SORBS2: variants seen among roughly 807,000 people sequenced by gnomAD.
SORBS2 encodes sorbin and SH3 domain-containing protein 2.
In SORBS2, 46 loss-of-function variants were observed where a neutral mutation model predicts 97.7. That is an observed-to-expected ratio of 0.47 (90% CI 0.37 to 0.60). The LOEUF (loss-of-function observed/expected upper bound fraction) is 0.60, where lower values mean the gene tolerates loss of function less well. SORBS2 is among the 20% of genes least tolerant of loss of function. The probability of loss-of-function intolerance (pLI) is 0.00; values close to 1 mark genes in which losing one functional copy is unlikely to be tolerated. For synonymous variants in SORBS2, 476 were observed against 473.4 expected (o/e 1.01, Z -0.07); for missense variants, 1,316 against 1,282.3 (o/e 1.03, Z -0.40).
chr4:185,592,221 A>G (rs2095962008), intron 13 of SORBS2: 1 of 152,674 alleles, frequency 6.5e-6, no homozygotes, highest in South Asian at 2.1e-4. Flanking sequence ...GTAGTGACAT[A>G]ACATTATGTT....
intron 12 of SORBS2, among the ~76,000 whole-genome samples, chr4:185,594,213 T>C (rs753566926): frequency 2.3e-4 from 35 of 152,194 alleles, no homozygotes; most frequent in Non-Finnish European, 3.2e-4. Context: ...TTTGGTCCCA[T>C]TGATTTTTCA....
intron 2 of SORBS2, among the ~76,000 whole-genome samples, chr4:185,722,041 A>C (rs565143214): frequency 6.6e-6 from 1 of 152,356 alleles, no homozygotes; most frequent in East Asian, 1.9e-4. Context: ...TCACTATATA[A>C]ACACCATTAA....
intron 1 of SORBS2, among the ~76,000 whole-genome samples, chr4:185,887,958 A>ATGTGTG (rs745472775): frequency 1.8e-4 from 27 of 149,148 alleles, no homozygotes; most frequent in African/African-American, 5.7e-4. Context: ...TAGTATATAT[A>ATGTGTG]TATGTGTGTG....
intron 2 of SORBS2, among the ~76,000 whole-genome samples, chr4:185,725,819 A>G (rs1030497684): frequency 5.3e-5 from 8 of 152,204 alleles, no homozygotes; most frequent in African/African-American, 1.9e-4. Context: ...TTGCAAGGCT[A>G]ATATTTTGAA....
chr4:185,618,849 A>C (rs1195105603), intron 8 of SORBS2, among the ~76,000 whole-genome samples: 6 of 152,200 alleles, frequency 3.9e-5, no homozygotes, highest in African/African-American at 1.2e-4. Flanking sequence ...CATCATATTT[A>C]ATCTTAGGAA....
upstream of SORBS2, chr4:185,657,548 G>T: frequency 1.3e-6 from 2 of 1,580,610 alleles, no homozygotes; most frequent in Non-Finnish European, 1.7e-6. Context: ...AGAGCTGCTG[G>T]TGGTGCCATC....
At chr4:185,803,641 C>T (rs181169703) in intron 1 of SORBS2, among the ~76,000 whole-genome samples, 2 of 152,136 alleles carry the variant, frequency 1.3e-5, no homozygotes, top group Admixed American at 1.3e-4. Context: ...AAATCCTTGG[C>T]ACACTTTAGA....
chr4:185,719,142 A>G (rs1020922528), intron 2 of SORBS2, among the ~76,000 whole-genome samples: 2 of 152,220 alleles, frequency 1.3e-5, no homozygotes, highest in Non-Finnish European at 2.9e-5. Context: ...TCGTTAAAGT[A>G]TATGTTTTAG....
intron 2 of SORBS2, among the ~76,000 whole-genome samples, chr4:185,701,025 T>C (rs1547909): frequency 0.73 from 111,623 of 152,106 alleles, 41,331 homozygotes; most frequent in African/African-American, 0.83. Context: ...TTCATAATAC[T>C]CTAACTTATT....
chr4:185,649,740 A>G (rs1472211357), intron 2 of SORBS2, 84 bp from the exon 12 acceptor site: 5 of 854,390 alleles, frequency 5.9e-6, no homozygotes, highest in Non-Finnish European at 8.3e-6. Context: ...TCCCCCTCAA[A>G]ATAGCCAATG....
rs535695706 is a variant in SORBS2, at chr4:185,923,472, A to ATTTTTTTTTTTTTTTTTTTTTT, written c.-338+32723_-338+32724insAAAAAAAAAAAAAAAAAAAAAA. On this transcript the variant is annotated intron_variant, in intron 1 of 20. Transcript: ENST00000284776. ...TGCTTGGCTAAGTTTCTTTTTTTTAATTTTTTTTTTTTGTAGAGACAGGAC... is the reference window on the plus strand; with the variant it reads ...TGCTTGGCTAAGTTTCTTTTTTTTAATTTTTTTTTTTTTTTTTTTTTTTTTTTTTTTTTTGTAGAGACAGGAC... Among the ~76,000 whole-genome samples, 201 of 110,454 alleles carry ATTTTTTTTTTTTTTTTTTTTTT rather than the reference A, an allele frequency of 1.8e-3. 13 individuals are homozygous for ATTTTTTTTTTTTTTTTTTTTTT. Among genetic ancestry groups the ATTTTTTTTTTTTTTTTTTTTTT allele is most frequent in the African/African-American group, 3.8e-3 (109 of 28,340 alleles). 72.5% of individuals were successfully genotyped at this position (110,454 alleles called of 152,430 possible).
intron 2 of SORBS2, among the ~76,000 whole-genome samples, chr4:185,750,984 T>C (rs749369389): frequency 1.6e-4 from 24 of 150,988 alleles, no homozygotes; most frequent in Non-Finnish European, 3.2e-4. Flanking sequence ...ACTTTAGCGA[T>C]CCAAAAAAAA....
chr4:185,879,618 C>T (rs936611918), intron 1 of SORBS2, among the ~76,000 whole-genome samples: 2 of 152,154 alleles, frequency 1.3e-5, no homozygotes, highest in Non-Finnish European at 2.9e-5. Flanking sequence ...ATGGTTGAAC[C>T]AGTTTACAGT....
chr4:185,669,979 G>T (rs1025658477), intron 4 of SORBS2, among the ~76,000 whole-genome samples: 1 of 152,188 alleles, frequency 6.6e-6, no homozygotes, highest in African/African-American at 2.4e-5. Flanking sequence ...AGCACTTTGG[G>T]AGGCTGAGGC....
intron 1 of SORBS2, among the ~76,000 whole-genome samples, chr4:185,915,839 A>C (rs1015723845): frequency 1.3e-5 from 2 of 152,214 alleles, no homozygotes; most frequent in African/African-American, 2.4e-5. Context: ...ACACAAAAAA[A>C]CCTAACCCTG....
intron 1 of SORBS2, among the ~76,000 whole-genome samples, chr4:185,873,996 C>T (rs541139935): frequency 5.5e-4 from 83 of 152,238 alleles, no homozygotes; most frequent in African/African-American, 1.9e-3. Flanking sequence ...TGTTAACTTT[C>T]ATCAGTAACT....
chr4:185,655,445 A>G (rs2097382882), intron 1 of SORBS2, among the ~76,000 whole-genome samples: 1 of 152,218 alleles, frequency 6.6e-6, no homozygotes, highest in South Asian at 2.1e-4. Context: ...AACCACAGCT[A>G]TACATGGGGA....
intron 1 of SORBS2, among the ~76,000 whole-genome samples, chr4:185,932,454 A>T (rs2099266959): frequency 6.6e-6 from 1 of 151,924 alleles, no homozygotes; most frequent in African/African-American, 2.4e-5. Context: ...GCCAGACAAT[A>T]CTGTTATCAT....
rs541285676 is a variant in SORBS2 at position 185,685,626 on chromosome 4, C to T, written c.-197-6804G>A. Among the ~76,000 whole-genome samples the T allele has an allele frequency of 1.1e-4, 16 of 152,244 alleles. 1 individual carries two copies. Among genetic ancestry groups the T allele is most frequent in the Admixed American group, 5.2e-4 (8 of 15,296 alleles). On this transcript the variant is annotated intron_variant, in intron 2 of 20. Transcript: ENST00000284776. ...AGCTCATTGCCATCTCAACCTCCTGCGCTCAAGCAATCCTCCTGCCTCAGT... is the reference window on the plus strand; with the variant it reads ...AGCTCATTGCCATCTCAACCTCCTGTGCTCAAGCAATCCTCCTGCCTCAGT...
Sources: gnomAD v4.1 joint callset for allele counts (sites outside exome capture counted in the v4.1 genomes callset) on GRCh38, gnomAD v4.1.1 for gene constraint, MANE v1.5 for transcripts, NCBI Gene and HGNC (gene_info 2026-07-23, HGNC 2026-07-21) for gene names.